Variants in CDH13 observed in about 807,000 individuals in gnomAD.
CDH13 encodes cadherin-13.
Under a neutral mutation model 63.8 loss-of-function variants are expected in CDH13, and 24 were observed. The observed-to-expected ratio is 0.38, with a 90% confidence interval of 0.27 to 0.53. The LOEUF (loss-of-function observed/expected upper bound fraction) is 0.53. Ranked by LOEUF, CDH13 falls within the 20% of genes least tolerant of loss-of-function variation. The probability of loss-of-function intolerance (pLI) is 0.85; values close to 1 mark genes in which losing one functional copy is unlikely to be tolerated. For missense variants in CDH13, 1,049 were observed against 903.1 expected (o/e 1.16, Z -2.07); for synonymous variants, 503 against 355.3 (o/e 1.42, Z -4.67).
chr16:83,747,802 A>T (rs1445308613), intron 10 of CDH13, among the ~76,000 whole-genome samples: 1 of 149,506 alleles, frequency 6.7e-6, no homozygotes, highest in East Asian at 2.0e-4. Flanking sequence ...CTGGACGTGG[A>T]CTCAGGATTT....
At chr16:82,634,003 A>G (rs1908345444) in intron 1 of CDH13, among the ~76,000 whole-genome samples, 1 of 152,260 alleles carries the variant, frequency 6.6e-6, no homozygotes, top group Admixed American at 6.5e-5. Flanking sequence ...GAAAACTAAC[A>G]TTAACAACAG....
At chr16:83,099,681 C>T (rs999791216) in intron 3 of CDH13, among the ~76,000 whole-genome samples, 2 of 148,054 alleles carry the variant, frequency 1.4e-5, no homozygotes, top group Non-Finnish European at 3.0e-5. Context: ...CTTTCAATCT[C>T]GTTTCTTTTA....
intron 1 of CDH13, among the ~76,000 whole-genome samples, chr16:82,641,426 G>C (rs1909381420): frequency 6.6e-6 from 1 of 152,186 alleles, no homozygotes; most frequent in Non-Finnish European, 1.5e-5. Context: ...CCTCAGTAGA[G>C]CTAATGGTAA....
At chr16:83,119,152 C>T (rs185994600) in intron 3 of CDH13, among the ~76,000 whole-genome samples, 8 of 152,170 alleles carry the variant, frequency 5.3e-5, no homozygotes, top group African/African-American at 1.9e-4. Flanking sequence ...CGTGGCTGTG[C>T]ACTGTTCCTT....
At chr16:82,679,313 G>A (rs1914283118) in intron 1 of CDH13, among the ~76,000 whole-genome samples, 1 of 152,198 alleles carries the variant, frequency 6.6e-6, no homozygotes, top group African/African-American at 2.4e-5. Context: ...GAAGCTGTCT[G>A]ATCACATACC....
At chr16:83,577,861 A>T in intron 7 of CDH13, among the ~76,000 whole-genome samples, 1 of 152,222 alleles carries the variant, frequency 6.6e-6, no homozygotes, top group Non-Finnish European at 1.5e-5. Flanking sequence ...AACATTGCAT[A>T]ACTACATCAC....
At chr16:82,880,245 C>T (rs2040653389) in intron 2 of CDH13, among the ~76,000 whole-genome samples, 1 of 152,030 alleles carries the variant, frequency 6.6e-6, no homozygotes, top group Non-Finnish European at 1.5e-5. Flanking sequence ...ATGCTTCTCC[C>T]ACCTGAACAA....
chr16:83,466,326 T>A (rs2073314231), intron 6 of CDH13, among the ~76,000 whole-genome samples: 1 of 152,132 alleles, frequency 6.6e-6, no homozygotes, highest in East Asian at 1.9e-4. Context: ...GCATGGGGTT[T>A]TATTAGGGGC....
chr16:83,406,405 GCT>G (rs1435060066), intron 6 of CDH13, among the ~76,000 whole-genome samples: 2 of 149,956 alleles, frequency 1.3e-5, no homozygotes, highest in East Asian at 3.9e-4. Flanking sequence ...TGGAACCCCA[GCT>G]CTCTTTCTTT....
intron 6 of CDH13, among the ~76,000 whole-genome samples, chr16:83,379,266 A>G (rs1395374591): frequency 6.6e-6 from 1 of 152,190 alleles, no homozygotes; most frequent in Non-Finnish European, 1.5e-5. Flanking sequence ...TCAAGTGTCA[A>G]CTAAAAAATA....
chr16:83,298,790 C>T (rs1334608651), intron 5 of CDH13, among the ~76,000 whole-genome samples: 1 of 152,152 alleles, frequency 6.6e-6, no homozygotes, highest in African/African-American at 2.4e-5. Flanking sequence ...TGAGACTGTT[C>T]CAGCTCTGTG....
intron 7 of CDH13, among the ~76,000 whole-genome samples, chr16:83,548,586 C>T (rs530064926): frequency 1.3e-5 from 2 of 152,224 alleles, no homozygotes; most frequent in South Asian, 4.1e-4. Context: ...GATATTGGGA[C>T]CCCGGATAGC....
rs1436831284 is a variant in CDH13, at chr16:82,658,149, C to G, written c.45+31012C>G. 2.0e-5 allele frequency among the ~76,000 whole-genome samples: 3 copies of G among 152,164 alleles called. No individual in the cohort carries two copies. In the East Asian group the frequency reaches 5.8e-4, roughly 29 times the overall value. On this transcript the variant is annotated intron_variant, in intron 1 of 13. Transcript: ENST00000567109. The stretch of plus-strand genomic sequence containing the variant: ...ATTTTGCCAAGTGCTTTTTCTGCAT[C>G]TATTGATATGTGCATGTGATATCTA...
intron 8 of CDH13, among the ~76,000 whole-genome samples, chr16:83,651,122 A>T (rs1240799109): frequency 6.6e-6 from 1 of 152,034 alleles, no homozygotes; most frequent in Non-Finnish European, 1.5e-5. Flanking sequence ...AAATAAAAAT[A>T]GTTGATCAGA....
intron 7 of CDH13, among the ~76,000 whole-genome samples, chr16:83,506,562 A>G (rs2074401914): frequency 6.6e-6 from 1 of 152,290 alleles, no homozygotes; most frequent in East Asian, 1.9e-4. Context: ...TGACTTTTGC[A>G]TATTATGGTA....
chr16:82,882,510 C>A (rs2040740608), intron 2 of CDH13, among the ~76,000 whole-genome samples: 1 of 152,212 alleles, frequency 6.6e-6, no homozygotes, highest in African/African-American at 2.4e-5. Context: ...ATGGTCACCG[C>A]TGCAGGGTAG....
chr16:83,025,256 C>T (rs778605993), intron 2 of CDH13, among the ~76,000 whole-genome samples: 6 of 151,994 alleles, frequency 3.9e-5, no homozygotes, highest in Non-Finnish European at 7.4e-5. Context: ...ATAAAGATGT[C>T]GAGGATTAAA....
At chr16:83,298,578 C>T (rs892561285) in intron 5 of CDH13, among the ~76,000 whole-genome samples, 12 of 152,144 alleles carry the variant, frequency 7.9e-5, no homozygotes, top group African/African-American at 2.9e-4. Context: ...GCTTCCTAAG[C>T]ACTTAAAAAC....
rs5818406 is a variant in CDH13, at chr16:82,782,551, CA to C, written c.46-75796del. Among the ~76,000 whole-genome samples the C allele has an allele frequency of 4.9e-3, 443 of 90,034 alleles. 1 individual carries two copies. The highest frequency in any genetic ancestry group is 0.021 in the African/African-American group (390 of 19,012). 59.1% of individuals were successfully genotyped at this position (90,034 alleles called of 152,430 possible). ...TGGGCGACAGTGCCAGACTCCATCT[CA>C]AAAAAAAAAAAAAATAATAATAAAC... On this transcript the variant is annotated intron_variant, in intron 1 of 13. Transcript: ENST00000567109.
Sources: gnomAD v4.1 joint callset for allele counts (sites outside exome capture counted in the v4.1 genomes callset) on GRCh38, gnomAD v4.1.1 for gene constraint, MANE v1.5 for transcripts, NCBI Gene and HGNC (gene_info 2026-07-23, HGNC 2026-07-21) for gene names.